The following GALNT13 variants were observed in gnomAD, a reference collection of about 807,000 sequenced individuals.
GALNT13 encodes the protein polypeptide N-acetylgalactosaminyltransferase 13, also known as UDP-GalNAc:polypeptide N-acetylgalactosaminyltransferase 13.
Under a neutral mutation model 64.2 loss-of-function variants are expected in GALNT13, and 28 were observed. The ratio of observed to expected loss-of-function variants is 0.44; its 90% CI spans 0.32 to 0.60. The LOEUF (loss-of-function observed/expected upper bound fraction) is 0.60, where lower values mean the gene tolerates loss of function less well. Among genes scored for constraint, GALNT13 ranks in the 20% least tolerant of loss-of-function variants. The pLI is 0.05. For missense variants in GALNT13, 577 were observed against 669.8 expected, an observed-to-expected ratio of 0.86 and a Z score of 1.53; for synonymous variants, 214 against 224.6, an observed-to-expected ratio of 0.95 and a Z score of 0.42.
chr2:154,249,514 A>G lies in GALNT13; in HGVS notation c.857+3532A>G, dbSNP rs148547992. ...TGTAAGTGAACCTCAATAAATAATT[A>G]TGAAGATATTCATTTCCACTTTAAT... On this transcript the variant is annotated intron_variant, in intron 7 of 12. Transcript: ENST00000392825. Among the ~76,000 whole-genome samples, 134 of 152,326 alleles carry G rather than the reference A, an allele frequency of 8.8e-4. 3 individuals are homozygous for G. In the East Asian group the frequency reaches 0.019, roughly 22 times the overall value.
At chr2:154,427,450 G>A (rs1201820958) in intron 11 of GALNT13, among the ~76,000 whole-genome samples, 1 of 152,208 alleles carries the variant, frequency 6.6e-6, no homozygotes, top group Non-Finnish European at 1.5e-5. Flanking sequence ...TTGGCAAAGC[G>A]GAGTGGGAAG....
At chr2:153,378,265 TAGATAGATAGATAGATAGA>T in the GALNT13 span, among the ~76,000 whole-genome samples, 1 of 57,782 alleles carries the variant, frequency 1.7e-5, no homozygotes, top group Non-Finnish European at 3.9e-5. Context: ...TATAGATAGA[TAGATAGATAGATAGATAGA>T]TAGATAGATA....
At chr2:154,255,805 ACGTTGAG>A (rs1690339440) in intron 7 of GALNT13, among the ~76,000 whole-genome samples, 1 of 152,150 alleles carries the variant, frequency 6.6e-6, no homozygotes, top group Non-Finnish European at 1.5e-5. Flanking sequence ...TAATCCCAGC[ACGTTGAG>A]AGGCCAAGGT....
At chr2:154,439,179 A>C (rs1701155776) in intron 12 of GALNT13, among the ~76,000 whole-genome samples, 1 of 152,218 alleles carries the variant, frequency 6.6e-6, no homozygotes, top group Admixed American at 6.5e-5. Flanking sequence ...TACTGTTTAC[A>C]GTTGTAAATA....
intron 8 of GALNT13, among the ~76,000 whole-genome samples, chr2:154,268,172 C>T (rs769965966): frequency 6.6e-6 from 1 of 152,062 alleles, no homozygotes; most frequent in Admixed American, 6.6e-5. Flanking sequence ...ATACCGAAAG[C>T]CAGAAACAAT....
chr2:153,298,092 C>A, the GALNT13 span, among the ~76,000 whole-genome samples: 1 of 152,304 alleles, frequency 6.6e-6, no homozygotes, highest in East Asian at 1.9e-4. Flanking sequence ...GGTGCGCCTT[C>A]TTTCTCCCAG....
At chr2:154,144,040 T>C (rs567386211) in intron 4 of GALNT13, among the ~76,000 whole-genome samples, 1 of 152,166 alleles carries the variant, frequency 6.6e-6, no homozygotes, top group Non-Finnish European at 1.5e-5. Flanking sequence ...AAATCCTGTA[T>C]ATACTGTGGT....
At chr2:154,317,443 T>C (rs1396572724) in intron 9 of GALNT13, among the ~76,000 whole-genome samples, 2 of 152,222 alleles carry the variant, frequency 1.3e-5, no homozygotes, top group African/African-American at 4.8e-5. Flanking sequence ...CTTTTAGCGA[T>C]GTTCTAGTGA....
chr2:153,529,605 T>G, the GALNT13 span, among the ~76,000 whole-genome samples: 1 of 151,204 alleles, frequency 6.6e-6, no homozygotes, highest in African/African-American at 2.4e-5. Flanking sequence ...CAAAGACACA[T>G]TAAAAAAAAT....
chr2:153,856,990 T>C, the GALNT13 span, among the ~76,000 whole-genome samples: 1 of 152,102 alleles, frequency 6.6e-6, no homozygotes, highest in Non-Finnish European at 1.5e-5. Flanking sequence ...CAAAAAAAGG[T>C]ATATGCAAAG....
chr2:153,713,107 G>C, the GALNT13 span, among the ~76,000 whole-genome samples: 1 of 152,142 alleles, frequency 6.6e-6, no homozygotes, highest in African/African-American at 2.4e-5. Flanking sequence ...GTATATGGCA[G>C]ATACGGAATT....
At chr2:153,988,649 A>G (rs761616150) in intron 3 of GALNT13, among the ~76,000 whole-genome samples, 2 of 151,982 alleles carry the variant, frequency 1.3e-5, no homozygotes, top group South Asian at 2.1e-4. Context: ...GACGGTGATT[A>G]TAAGTAGCTG....
At chr2:153,515,763 A>T in the GALNT13 span, among the ~76,000 whole-genome samples, 2 of 152,192 alleles carry the variant, frequency 1.3e-5, no homozygotes, top group African/African-American at 4.8e-5. Flanking sequence ...ATGCAGAAAA[A>T]ATGATCCAGA....
At chr2:154,273,164 A>G (rs917688742) in intron 8 of GALNT13, among the ~76,000 whole-genome samples, 7 of 152,184 alleles carry the variant, frequency 4.6e-5, no homozygotes, top group African/African-American at 1.7e-4. Flanking sequence ...CTAGAAGAAA[A>G]TAAAATAAGG....
chr2:154,437,946 A>T, intron 11 of GALNT13: 1 of 205,292 alleles, frequency 4.9e-6, no homozygotes, highest in South Asian at 6.6e-5. Flanking sequence ...AGATTATTAT[A>T]GTTCAATTGA....
At chr2:153,278,280 A>G in the GALNT13 span, among the ~76,000 whole-genome samples, 4 of 152,094 alleles carry the variant, frequency 2.6e-5, no homozygotes, top group Admixed American at 1.3e-4. Context: ...CATAGTTTGC[A>G]AATATTTTCT....
chr2:153,526,464 C>G, the GALNT13 span, among the ~76,000 whole-genome samples: 1 of 152,210 alleles, frequency 6.6e-6, no homozygotes, highest in African/African-American at 2.4e-5. Context: ...GGTGGCACCT[C>G]AAGAGTCTGA....
At chr2:153,568,699 G>A in the GALNT13 span, among the ~76,000 whole-genome samples, 2 of 152,080 alleles carry the variant, frequency 1.3e-5, no homozygotes, top group Non-Finnish European at 2.9e-5. Flanking sequence ...TCCAAAAGCT[G>A]AATACACCTG....
chr2:153,237,509 C>G, the GALNT13 span, among the ~76,000 whole-genome samples: 24 of 151,920 alleles, frequency 1.6e-4, no homozygotes, highest in Non-Finnish European at 3.4e-4. Context: ...AACCATCATC[C>G]TACTGTCTGT....
Sources: allele counts gnomAD v4.1 joint callset (sites outside exome capture counted in the v4.1 genomes callset), GRCh38; gene constraint gnomAD v4.1.1; transcripts MANE v1.5; gene names NCBI Gene and HGNC (gene_info 2026-07-23, HGNC 2026-07-21).